The following KCNIP4 variants were observed in gnomAD, a reference collection of about 807,000 sequenced individuals.
KCNIP4 encodes potassium voltage-gated channel interacting protein 4.
KCNIP4 carries 12 observed loss-of-function variants against 34.0 expected under a neutral mutation model. The ratio of observed to expected loss-of-function variants is 0.35; its 90% confidence interval spans 0.23 to 0.57. KCNIP4 has a LOEUF of 0.57. Ranked by LOEUF, KCNIP4 falls within the 20% of genes least tolerant of loss-of-function variation. KCNIP4 has a pLI of 0.83. For synonymous variants in KCNIP4, 124 were observed against 102.2 expected, an observed-to-expected ratio of 1.21 and a Z score of -1.29; for missense variants, 238 against 311.7, an observed-to-expected ratio of 0.76 and a Z score of 1.78.
intron 1 of KCNIP4, among the ~76,000 whole-genome samples, chr4:21,087,146 ATGTGTGTGTGTGTGTGTG>A (rs34874556): frequency 4.5e-5 from 5 of 110,922 alleles, no homozygotes; most frequent in Non-Finnish European, 8.8e-5. Flanking sequence ...CTGCTGGGTA[ATGTGTGTGTGTGTGTGTG>A]TGTGTGTGTG....
intron 1 of KCNIP4, among the ~76,000 whole-genome samples, chr4:21,023,550 A>G (rs1740259608): frequency 6.6e-6 from 1 of 152,212 alleles, no homozygotes; most frequent in African/African-American, 2.4e-5. Context: ...TATGCAAATG[A>G]CCAATATGCA....
At position 21,788,440 on chromosome 4, in the gene KCNIP4, A is replaced by T. The variant is rs187267608; in HGVS notation, c.61+160131T>A. Among the ~76,000 whole-genome samples the T allele has an allele frequency of 9.8e-4, 149 of 152,330 alleles. 2 individuals carry two copies. Among genetic ancestry groups the T allele is most frequent in the Middle Eastern group, 3.4e-3 (1 of 294 alleles). On this transcript the variant is annotated intron_variant, in intron 1 of 8. Coordinates refer to ENST00000382152, the MANE Select transcript of KCNIP4 (RefSeq NM_025221.6). ...AATTACTTTAACTTCTATGCTATGAATTATGAGGAATGCAAAGAAATCTCA... is the reference window on the plus strand; with the variant it reads ...AATTACTTTAACTTCTATGCTATGATTTATGAGGAATGCAAAGAAATCTCA...
intron 1 of KCNIP4, among the ~76,000 whole-genome samples, chr4:21,724,059 C>T (rs1715015592): frequency 6.6e-6 from 1 of 151,936 alleles, no homozygotes; most frequent in Non-Finnish European, 1.5e-5. Context: ...AGAGAAGGCT[C>T]CAAGCAGGTC....
intron 1 of KCNIP4, among the ~76,000 whole-genome samples, chr4:20,910,259 G>C (rs777105061): frequency 6.6e-6 from 1 of 151,718 alleles, no homozygotes; most frequent in African/African-American, 2.4e-5. Flanking sequence ...AGGAATTTTT[G>C]TGTGTGATTA....
chr4:21,652,119 G>C (rs1747535187), intron 1 of KCNIP4, among the ~76,000 whole-genome samples: 1 of 152,074 alleles, frequency 6.6e-6, no homozygotes, highest in Admixed American at 6.6e-5. Context: ...CTTCTGGATG[G>C]TAAATTTCTT....
At chr4:21,464,815 T>C (rs1421056423) in intron 1 of KCNIP4, 1 of 152,144 alleles carries the variant, frequency 6.6e-6, no homozygotes, top group African/African-American at 2.4e-5. Context: ...AATACTTGAC[T>C]AGTTGTTCAG....
At chr4:21,558,041 G>A (rs998429796) in intron 1 of KCNIP4, among the ~76,000 whole-genome samples, 27 of 152,118 alleles carry the variant, frequency 1.8e-4, no homozygotes, top group African/African-American at 5.8e-4. Flanking sequence ...GGTGCTTTTT[G>A]ATTTTTAAAA....
At chr4:21,073,781 A>C (rs1745202688) in intron 1 of KCNIP4, among the ~76,000 whole-genome samples, 1 of 152,110 alleles carries the variant, frequency 6.6e-6, no homozygotes, top group African/African-American at 2.4e-5. Context: ...GGTTATCATA[A>C]AGAGTGCTTA....
intron 1 of KCNIP4, among the ~76,000 whole-genome samples, chr4:21,274,837 G>C (rs1297112419): frequency 1.3e-5 from 2 of 152,082 alleles, no homozygotes; most frequent in Admixed American, 1.3e-4. Flanking sequence ...TTAGTAAAGA[G>C]GAGGGTATCT....
In KCNIP4 at chr4:21,520,383, A is replaced by G. The variant is rs571162173; in HGVS notation, c.61+428188T>C. On this transcript the variant is annotated intron_variant, in intron 1 of 8. Coordinates refer to ENST00000382152, the MANE Select transcript of KCNIP4 (RefSeq NM_025221.6). ...AAAATAAATGTTTGTCGTTTAAGCCACCAGGTCTACTGTATTTTGTTATAG... is the reference window on the plus strand; with the variant it reads ...AAAATAAATGTTTGTCGTTTAAGCCGCCAGGTCTACTGTATTTTGTTATAG... 4.7e-4 allele frequency among the ~76,000 whole-genome samples: 72 copies of G among 152,282 alleles called. No individual in the cohort carries two copies. In the East Asian group the frequency reaches 8.1e-3, roughly 17 times the overall value.
At chr4:20,766,966 G>A (rs778019909) in intron 3 of KCNIP4, 5 of 152,138 alleles carry the variant, frequency 3.3e-5, no homozygotes, top group Non-Finnish European at 5.9e-5. Context: ...ATTGACCTCA[G>A]AGAGCTGCTA....
rs1577735430 is a variant in KCNIP4 at position 21,125,171 on chromosome 4, T to TTTTTATTTTGTCTTA, written c.62-242463_62-242462insTAAGACAAAATAAAA. ...TGCATCAGAATCAGCAGGAGGGCTT[T>TTTTTATTTTGTCTTA]TTTTATTTTATTTTGTCTTATTTTA... On this transcript the variant is annotated intron_variant, in intron 1 of 8. Transcript: ENST00000382152. Among the ~76,000 whole-genome samples the TTTTTATTTTGTCTTA allele has an allele frequency of 3.8e-5, 3 of 78,166 alleles. No homozygotes were observed. The East Asian group carries it at 1.0e-3, about 26-fold the overall frequency. The allele number at this position is 78,166 out of a possible 152,430, so 51.3% of individuals were successfully genotyped here. A position where few individuals can be genotyped will look rare whatever the true frequency, so the allele number is the denominator to read the frequency against.
intron 1 of KCNIP4, among the ~76,000 whole-genome samples, chr4:21,295,923 T>TGAAG (rs1763816739): frequency 1.5e-5 from 1 of 64,728 alleles, no homozygotes; most frequent in African/African-American, 4.1e-5. Flanking sequence ...AGTTAGTGAA[T>TGAAG]GAATGAATGA....
intron 1 of KCNIP4, among the ~76,000 whole-genome samples, chr4:21,654,930 A>G (rs79229621): frequency 0.023 from 3,533 of 152,188 alleles, 51 homozygotes; most frequent in Non-Finnish European, 0.035. Flanking sequence ...TCTCAAAAAA[A>G]AAAGGAAAGA....
chr4:20,732,669 T>TTTAA lies in KCNIP4; in HGVS notation c.642+8_642+11dup, dbSNP rs776185000. 5 of 1,578,034 alleles carry TTTAA rather than the reference T, an allele frequency of 3.2e-6. No homozygotes were observed. In the African/African-American group the frequency reaches 4.0e-5, roughly 13 times the overall value. On this transcript the variant is annotated intron_variant, in intron 7 of 8. Coordinates refer to ENST00000382152, the MANE Select transcript of KCNIP4 (RefSeq NM_025221.6). ...AACTTCATGCCCTCTTGACTTCTGT[T>TTTAA]TTAATTCCTACCTGAAAAAATGTTT...
chr4:21,159,315 T>C (rs578251331), intron 1 of KCNIP4, among the ~76,000 whole-genome samples: 1 of 152,200 alleles, frequency 6.6e-6, no homozygotes, highest in African/African-American at 2.4e-5. Flanking sequence ...AGAATATTGA[T>C]TTTTAATAAT....
At chr4:20,836,834 T>G (rs951300630) in intron 3 of KCNIP4, among the ~76,000 whole-genome samples, 1 of 152,030 alleles carries the variant, frequency 6.6e-6, no homozygotes, top group African/African-American at 2.4e-5. Flanking sequence ...TCCTTAGGTC[T>G]CCTGCATCCA....
At chr4:21,462,765 T>TTGTGTGTGTG (rs57124779) in intron 1 of KCNIP4, among the ~76,000 whole-genome samples, 7 of 145,760 alleles carry the variant, frequency 4.8e-5, no homozygotes, top group South Asian at 2.3e-4. Context: ...TAGTATTCCA[T>TTGTGTGTGTG]TGTGTGTGTG....
intron 1 of KCNIP4, among the ~76,000 whole-genome samples, chr4:21,342,214 C>A (rs1716826537): frequency 7.1e-6 from 1 of 141,000 alleles, no homozygotes; most frequent in African/African-American, 2.6e-5. Context: ...CCAGGACAGA[C>A]CCAGGAAGGT....
Sources: allele counts gnomAD v4.1 joint callset (sites outside exome capture counted in the v4.1 genomes callset), GRCh38; gene constraint gnomAD v4.1.1; transcripts MANE v1.5; gene names NCBI Gene and HGNC (gene_info 2026-07-23, HGNC 2026-07-21).